The following TGFB1 variants were observed in gnomAD, a reference collection of about 807,000 sequenced individuals.
TGFB1 encodes transforming growth factor beta-1 proprotein.
In TGFB1, 19 loss-of-function variants were observed where a neutral mutation model predicts 43.8. The ratio of observed to expected loss-of-function variants is 0.43; its 90% CI spans 0.30 to 0.64. The LOEUF (loss-of-function observed/expected upper bound fraction) is 0.64, where lower values mean the gene tolerates loss of function less well. Ranked by LOEUF, TGFB1 falls within the 30% of genes least tolerant of loss-of-function variation. The probability of loss-of-function intolerance (pLI) is 0.11; values close to 1 mark genes in which losing one functional copy is unlikely to be tolerated. For missense variants in TGFB1, 445 were observed against 529.8 expected, an observed-to-expected ratio of 0.84 and a Z score of 1.57; for synonymous variants, 221 against 236.3, an observed-to-expected ratio of 0.94 and a Z score of 0.60.
At chr19:41,349,790 G>A (rs78430764) in intron 1 of TGFB1, among the ~76,000 whole-genome samples, 2,224 of 151,906 alleles carry the variant, frequency 0.015, 62 homozygotes, top group African/African-American at 0.051. Context: ...ACAAAACAGC[G>A]CTATTTACCA....
intron 5 of TGFB1, among the ~76,000 whole-genome samples, chr19:41,340,573 G>A (rs559822344): frequency 1.5e-3 from 235 of 152,202 alleles, no homozygotes; most frequent in South Asian, 2.9e-3. Context: ...GAGCCACCGC[G>A]CCCAGCCTGC....
At position 41,352,739 on chromosome 19, in the gene TGFB1, G is replaced by C. The variant is rs759592536; in HGVS notation, c.306C>G (p.Asp102Glu). The change falls in exon 1 of 7, where the codon GAC becomes GAG. Residue 102 changes from aspartate to glutamate, a missense_variant. By Grantham distance (45) the Asp-to-Glu change is conservative. Coordinates refer to ENST00000221930, the MANE Select transcript of TGFB1 (RefSeq NM_000660.7). Reference sequence around the variant, plus strand: ...CGCGGGTGACCTCCTTGGCGTAGTAGTCGGCCTCAGGCTCGGGCTCCGGTT... The same window carrying C: ...CGCGGGTGACCTCCTTGGCGTAGTACTCGGCCTCAGGCTCGGGCTCCGGTT... Reference protein sequence around the residue: ...SAEPEPEPEADYYAKEVTRVL... With the variant: ...SAEPEPEPEAEYYAKEVTRVL... 1 of 1,613,560 alleles carries C rather than the reference G, an allele frequency of 6.2e-7. No individual in the cohort carries two copies.
At chr19:41,352,353 C>A (rs2038213107) in intron 1 of TGFB1, among the ~76,000 whole-genome samples, 1 of 141,734 alleles carries the variant, frequency 7.1e-6, no homozygotes, top group South Asian at 2.4e-4. Flanking sequence ...ACCCCCCCCC[C>A]CATTCAACGC....
intron 5 of TGFB1, among the ~76,000 whole-genome samples, chr19:41,338,794 G>A (rs1372249831): frequency 6.7e-6 from 1 of 150,024 alleles, no homozygotes; most frequent in Admixed American, 6.7e-5. Context: ...AGCCGAGACC[G>A]CACCACTGCA....
Position 41,349,630 on chromosome 19 carries a change from G to A in TGFB1, c.356-1175C>T, listed in dbSNP as rs147711159. On this transcript the variant is annotated intron_variant, in intron 1 of 6. Transcript: ENST00000221930. Reference sequence around the variant, plus strand: ...AAATTGGCCAGGCATGGTGCCGGACGGCTCTAATCCCAGCTACTTGGGAGG... The same window carrying A: ...AAATTGGCCAGGCATGGTGCCGGACAGCTCTAATCCCAGCTACTTGGGAGG... Among the ~76,000 whole-genome samples, 219 of 152,178 alleles carry A rather than the reference G, an allele frequency of 1.4e-3. 2 individuals are homozygous for A. The highest frequency in any genetic ancestry group is 2.6e-3 in the Non-Finnish European group (178 of 68,002).
At chr19:41,331,270 A>G in intron 6 of TGFB1, 60 bp from the exon 7 acceptor site, 1 of 1,443,324 alleles carries the variant, frequency 6.9e-7, no homozygotes, top group South Asian at 1.4e-5. Context: ...ACGGCCCTCC[A>G]CTGCCCCATC....
intron 1 of TGFB1, 82 bp downstream of exon 1, chr19:41,352,608 C>T: frequency 3.3e-6 from 5 of 1,512,468 alleles, no homozygotes; most frequent in Non-Finnish European, 4.5e-6. Context: ...TTTCTTCTGC[C>T]AGTCACTTCC....
intron 5 of TGFB1, among the ~76,000 whole-genome samples, chr19:41,338,861 C>G (rs535567123): frequency 6.6e-6 from 1 of 151,688 alleles, no homozygotes; most frequent in East Asian, 1.9e-4. Context: ...TATTAATCAA[C>G]TGTTTATGTT....
intron 1 of TGFB1, among the ~76,000 whole-genome samples, chr19:41,352,055 C>T (rs1421330489): frequency 6.6e-6 from 1 of 152,006 alleles, no homozygotes; most frequent in Non-Finnish European, 1.5e-5. Flanking sequence ...AATAACCTCC[C>T]GTCCCTTTCT....
chr19:41,341,807 A>T (rs2038058546), intron 5 of TGFB1, 76 bp downstream of exon 5: 7 of 1,583,088 alleles, frequency 4.4e-6, no homozygotes, highest in Non-Finnish European at 6.1e-6. Flanking sequence ...CCAGGTGTCC[A>T]ACCTGGAGCA....
intron 3 of TGFB1, among the ~76,000 whole-genome samples, chr19:41,343,980 C>CTTTTTTT (rs3061192): frequency 1.0e-4 from 10 of 98,636 alleles, no homozygotes; most frequent in Admixed American, 1.2e-4. Context: ...TGCCTGGAAT[C>CTTTTTTT]TTTTTTTTTT....
At chr19:41,351,260 G>T (rs1221717123) in intron 1 of TGFB1, 1 of 152,324 alleles carries the variant, frequency 6.6e-6, no homozygotes, top group Non-Finnish European at 1.5e-5. Flanking sequence ...GTAAACTGGC[G>T]CAGAAATGGG....
intron 5 of TGFB1, among the ~76,000 whole-genome samples, chr19:41,337,474 A>T (rs2038000490): frequency 6.6e-6 from 1 of 151,864 alleles, no homozygotes; most frequent in South Asian, 2.1e-4. Flanking sequence ...ACAGGGTTTC[A>T]CCATGTTGGC....
At chr19:41,331,253 G>A (rs1424484619) in intron 6 of TGFB1, 43 bp from the exon 7 acceptor site, 24 of 1,465,714 alleles carry the variant, frequency 1.6e-5, no homozygotes, top group Middle Eastern at 4.8e-4. Flanking sequence ...CTCGTGGAGG[G>A]AGGAAAACGG....
intron 2 of TGFB1, among the ~76,000 whole-genome samples, 196 bp downstream of exon 2, chr19:41,348,099 T>G (rs775000027): frequency 7.3e-5 from 11 of 150,266 alleles, no homozygotes; most frequent in Non-Finnish European, 1.6e-4. Context: ...ACCACTGCAC[T>G]CCAGCTTGGC....
rs1195900235 is a variant in TGFB1, at chr19:41,348,453, T to C, written c.358A>G (p.Ile120Val). ...RVLMVETHNE[I>V]YDKFKQSTHS... Reference sequence around the variant, plus strand: ...GTACTCTGCTTGAACTTGTCATAGATTTCTAGCAGGGAGAAATGAAGGGAG... The same window carrying C: ...GTACTCTGCTTGAACTTGTCATAGACTTCTAGCAGGGAGAAATGAAGGGAG... The change falls in exon 2 of 7, where the codon ATC (isoleucine) becomes GTC (valine). Residue 120 changes from isoleucine to valine, a missense_variant and splice_region_variant. By Grantham distance (29) the Ile-to-Val change is conservative. Around this residue, in one of 3 missense-constraint regions of TGFB1, gnomAD observed 366 missense variants for 428.8 expected, o/e 0.85. Transcript: ENST00000221930. 1 of 1,612,818 alleles carries C rather than the reference T, an allele frequency of 6.2e-7. No individual in the cohort carries two copies. The highest frequency in any genetic ancestry group is 1.7e-5 in the Admixed American group (1 of 59,940).
chr19:41,345,133 G>T (rs1253725280), intron 2 of TGFB1, among the ~76,000 whole-genome samples: 1 of 152,188 alleles, frequency 6.6e-6, no homozygotes, highest in Non-Finnish European at 1.5e-5. Context: ...CCTTCTCGAG[G>T]CCTGTTTCCT....
At chr19:41,334,097 G>A (rs958860360) in intron 5 of TGFB1, among the ~76,000 whole-genome samples, 2 of 152,162 alleles carry the variant, frequency 1.3e-5, no homozygotes, top group African/African-American at 4.8e-5. Context: ...CAAAGAGGCC[G>A]GGTGCAGTGG....
intron 5 of TGFB1, among the ~76,000 whole-genome samples, chr19:41,338,191 C>CA (rs112843512): frequency 0.023 from 3,057 of 135,682 alleles, 42 homozygotes; most frequent in Non-Finnish European, 0.033. Context: ...GACTCTGTCT[C>CA]AAAAAAAAAA....
Sources: allele counts gnomAD v4.1 joint callset (sites outside exome capture counted in the v4.1 genomes callset), GRCh38; gene constraint gnomAD v4.1.1; regional missense constraint gnomAD v4.1.1; transcripts MANE v1.5; gene names NCBI Gene and HGNC (gene_info 2026-07-23, HGNC 2026-07-21).